FBLN7: variants seen among roughly 807,000 people sequenced by gnomAD.
FBLN7 encodes the protein fibulin 7, also known as fibulin-7.
In FBLN7, 31 loss-of-function variants were observed where a neutral mutation model predicts 44.0. That is an observed-to-expected ratio of 0.70 (90% confidence interval 0.53 to 0.95). The LOEUF (loss-of-function observed/expected upper bound fraction) is 0.95. Ranked by LOEUF, FBLN7 falls within the 40% of genes least tolerant of loss-of-function variation. The pLI is 0.00. For missense variants in FBLN7, 573 were observed against 618.5 expected, an observed-to-expected ratio of 0.93 and a Z score of 0.78; for synonymous variants, 262 against 253.4, an observed-to-expected ratio of 1.03 and a Z score of -0.32.
At chr2:112,140,862 CAT>C (rs956942652) in intron 1 of FBLN7, among the ~76,000 whole-genome samples, 4 of 152,222 alleles carry the variant, frequency 2.6e-5, no homozygotes, top group Non-Finnish European at 5.9e-5. Context: ...TTCTTAAACA[CAT>C]ATACAGGCGG....
rs1683311303 is a variant in FBLN7 at position 112,187,239 on chromosome 2, C to T, written c.1053C>T (p.Pro351=). 1.2e-6 allele frequency: 2 copies of T among 1,614,216 alleles called. No individual in the cohort carries two copies. The highest frequency in any genetic ancestry group is 1.7e-6 in the Non-Finnish European group (2 of 1,180,044). The change falls in exon 8 of 8, where the codon CCC becomes CCT. Residue 351 remains proline, a synonymous_variant. Coordinates refer to ENST00000331203, the MANE Select transcript of FBLN7 (RefSeq NM_153214.3). This position sits in a 1 kb window ranked among gnomAD's most constrained non-coding sequence, Gnocchi z 5.1. The part of the protein sequence containing the change: ...YLSLPSNLKT[P]ITLFRMATAS... The stretch of plus-strand genomic sequence containing the variant: ...CTCTGCCTTCCAACCTGAAGACGCC[C>T]ATCACGCTCTTCCGCATGGCCACAG...
chr2:112,210,566 G>T, the FBLN7 span, among the ~76,000 whole-genome samples: 2 of 145,390 alleles, frequency 1.4e-5, no homozygotes, highest in Admixed American at 1.4e-4. Flanking sequence ...TGAGGCAGGA[G>T]AACTGCTTGA....
chr2:112,219,858 TGG>T, the FBLN7 span, among the ~76,000 whole-genome samples: 2 of 152,202 alleles, frequency 1.3e-5, no homozygotes, highest in African/African-American at 4.8e-5. Flanking sequence ...ATACTGTGAG[TGG>T]AGTGTTTAAT....
intron 1 of FBLN7, among the ~76,000 whole-genome samples, chr2:112,142,498 G>C (rs1236326546): frequency 6.6e-6 from 1 of 152,176 alleles, no homozygotes. Context: ...GGTTGGTGGA[G>C]ACTCAGCAAG....
chr2:112,234,097 T>C, the FBLN7 span: 3 of 1,357,932 alleles, frequency 2.2e-6, no homozygotes, highest in Non-Finnish European at 3.0e-6. Flanking sequence ...TTTTAGTAGA[T>C]TTTTGCTTAC....
At chr2:112,214,610 C>T in the FBLN7 span, 1 of 152,136 alleles carries the variant, frequency 6.6e-6, no homozygotes, top group Admixed American at 6.6e-5. Flanking sequence ...TGATAGAGTA[C>T]TTTGGACGAA....
At chr2:112,191,918 T>G (rs974553369), downstream of FBLN7, among the ~76,000 whole-genome samples, 1 of 152,186 alleles carries the variant, frequency 6.6e-6, no homozygotes, top group African/African-American at 2.4e-5. Flanking sequence ...TCTGACCGGT[T>G]CCCTCCACCC....
the FBLN7 span, among the ~76,000 whole-genome samples, chr2:112,228,890 CA>C: frequency 6.6e-6 from 1 of 151,068 alleles, no homozygotes; most frequent in Non-Finnish European, 1.5e-5. Flanking sequence ...AATAAGAAAA[CA>C]ATCTAATTTT....
intron 1 of FBLN7, among the ~76,000 whole-genome samples, chr2:112,157,011 T>C (rs1681464891): frequency 6.6e-6 from 1 of 152,226 alleles, no homozygotes; most frequent in African/African-American, 2.4e-5. Context: ...ACTGTTCCAC[T>C]GTATTTTAGA....
chr2:112,233,980 G>A, the FBLN7 span: 2 of 546,344 alleles, frequency 3.7e-6, no homozygotes, highest in African/African-American at 4.0e-5. Context: ...AAACATAAAA[G>A]AATACTTCAC....
At chr2:112,223,232 A>G in the FBLN7 span, among the ~76,000 whole-genome samples, 2 of 152,288 alleles carry the variant, frequency 1.3e-5, no homozygotes, top group Non-Finnish European at 1.5e-5. Flanking sequence ...CGTTGTGCAC[A>G]TGTACCCTAG....
At chr2:112,229,942 C>CA in the FBLN7 span, among the ~76,000 whole-genome samples, 1,044 of 116,544 alleles carry the variant, frequency 9.0e-3, 11 homozygotes, top group African/African-American at 0.027. Context: ...TGAGATGCCG[C>CA]AAAAAAAAAA....
intron 4 of FBLN7, among the ~76,000 whole-genome samples, chr2:112,179,116 A>G (rs146566024): frequency 6.6e-6 from 1 of 152,322 alleles, no homozygotes; most frequent in African/African-American, 2.4e-5. Flanking sequence ...AGTTCCTTCA[A>G]CTGATAAACA....
the FBLN7 span, among the ~76,000 whole-genome samples, chr2:112,197,274 C>CACACACGCACAG: frequency 1.0e-5 from 1 of 98,596 alleles, no homozygotes; most frequent in Non-Finnish European, 2.2e-5. Context: ...CACACACACA[C>CACACACGCACAG]AGAGAGAGAG....
the FBLN7 span, among the ~76,000 whole-genome samples, chr2:112,227,841 C>G: frequency 6.6e-6 from 1 of 151,258 alleles, no homozygotes; most frequent in Non-Finnish European, 1.5e-5. Context: ...GAGAGACATT[C>G]CATGCTCACA....
chr2:112,234,072 A>C, the FBLN7 span: 5 of 1,072,364 alleles, frequency 4.7e-6, no homozygotes, highest in Non-Finnish European at 6.7e-6. Flanking sequence ...ATCAAACAGA[A>C]AGAGCAGTTT....
chr2:112,190,516 G>A (rs573693369), downstream of FBLN7: 2 of 152,190 alleles, frequency 1.3e-5, no homozygotes, highest in Non-Finnish European at 1.5e-5. Context: ...AACATGCCCT[G>A]TGAGAGTTGT....
chr2:112,202,108 A>G, the FBLN7 span, among the ~76,000 whole-genome samples: 1 of 152,218 alleles, frequency 6.6e-6, no homozygotes, highest in South Asian at 2.1e-4. Context: ...GGTAAATAAG[A>G]CTACTTCTGT....
At chr2:112,220,182 C>T in the FBLN7 span, among the ~76,000 whole-genome samples, 85 of 152,268 alleles carry the variant, frequency 5.6e-4, no homozygotes, top group Non-Finnish European at 1.1e-3. Context: ...AGATTTGATC[C>T]TGTCATAACA....
Sources: allele counts gnomAD v4.1 joint callset (sites outside exome capture counted in the v4.1 genomes callset), GRCh38; gene constraint gnomAD v4.1.1; non-coding constraint Gnocchi (gnomAD v3.1); transcripts MANE v1.5; gene names NCBI Gene and HGNC (gene_info 2026-07-23, HGNC 2026-07-21).